The following TSPAN16 variants were observed in gnomAD, a reference collection of about 807,000 sequenced individuals.
TSPAN16 encodes tetraspanin 16.
TSPAN16 carries 23 observed loss-of-function variants against 25.2 expected under a neutral mutation model. The observed-to-expected ratio is 0.91, with a 90% CI of 0.66 to 1.29. The LOEUF is 1.29. Ranked by LOEUF, TSPAN16 falls within the 50% of genes most tolerant of loss-of-function variation. The pLI, the probability that TSPAN16 is intolerant of heterozygous loss-of-function variation, is 0.00. For synonymous variants in TSPAN16, 123 were observed against 124.4 expected (o/e 0.99, Z 0.08); for missense variants, 272 against 299.9 (o/e 0.91, Z 0.69).
chr19:11,321,085 C>A (rs1011240022), intron 6 of TSPAN16, among the ~76,000 whole-genome samples: 4 of 151,402 alleles, frequency 2.6e-5, no homozygotes, highest in African/African-American at 9.7e-5. Context: ...AGGAGAATTG[C>A]TTGAACCTGG....
intron 4 of TSPAN16, among the ~76,000 whole-genome samples, chr19:11,303,575 AT>A (rs150599648): frequency 0.019 from 2,321 of 119,568 alleles, 41 homozygotes; most frequent in Non-Finnish European, 0.025. Context: ...AAATAAATAA[AT>A]TAAAAAAAAA....
At chr19:11,299,869 C>G (rs1464273554) in intron 3 of TSPAN16, among the ~76,000 whole-genome samples, 1 of 151,456 alleles carries the variant, frequency 6.6e-6, no homozygotes, top group Non-Finnish European at 1.5e-5. Context: ...CCCAGCTATT[C>G]AGGAGGCTGA....
intron 4 of TSPAN16, among the ~76,000 whole-genome samples, chr19:11,303,577 T>TAAAAAAAAAAAAAAAAAAAAAAAAAAA (rs1322861353): frequency 1.3e-5 from 1 of 78,306 alleles, no homozygotes; most frequent in Non-Finnish European, 2.7e-5. Context: ...ATAAATAAAT[T>TAAAAAAAAAAAAAAAAAAAAAAAAAAA]AAAAAAAAAA....
chr19:11,302,684 C>CACATACATATATATAT (rs2080575154), intron 4 of TSPAN16, among the ~76,000 whole-genome samples: 4 of 121,346 alleles, frequency 3.3e-5, no homozygotes, highest in African/African-American at 1.6e-4. Context: ...TATATACACA[C>CACATACATATATATAT]ACACACACAC....
intron 4 of TSPAN16, among the ~76,000 whole-genome samples, chr19:11,303,594 A>C (rs890002181): frequency 1.2e-4 from 18 of 148,866 alleles, no homozygotes; most frequent in African/African-American, 4.2e-4. Context: ...AAAAAAAAAA[A>C]AAACTCCTGG....
chr19:11,313,540 A>T (rs909488360), intron 6 of TSPAN16, among the ~76,000 whole-genome samples: 22 of 150,662 alleles, frequency 1.5e-4, no homozygotes, highest in African/African-American at 4.1e-4. Flanking sequence ...AAAAAAAAAA[A>T]AATTATATCT....
downstream of TSPAN16, among the ~76,000 whole-genome samples, chr19:11,319,731 A>AG (rs1438506478): frequency 6.6e-6 from 1 of 152,116 alleles, no homozygotes; most frequent in Non-Finnish European, 1.5e-5. Flanking sequence ...TTTCTTGGGG[A>AG]GGGGGGCACC....
At chr19:11,323,816 A>T (rs907283168) in intron 6 of TSPAN16, 6 of 152,208 alleles carry the variant, frequency 3.9e-5, no homozygotes, top group African/African-American at 1.4e-4. Context: ...GGACGTGGGA[A>T]CATAAAACAT....
chr19:11,315,128 C>T (rs566708792), intron 6 of TSPAN16, among the ~76,000 whole-genome samples: 2 of 151,258 alleles, frequency 1.3e-5, no homozygotes, highest in Non-Finnish European at 2.9e-5. Context: ...TCCAGCTCCT[C>T]GGGAGGCTGA....
chr19:11,305,944 T>A (rs983911373), intron 4 of TSPAN16, among the ~76,000 whole-genome samples: 2 of 151,834 alleles, frequency 1.3e-5, no homozygotes, highest in Non-Finnish European at 2.9e-5. Flanking sequence ...TAACTAAACA[T>A]TGGTATCAGG....
chr19:11,302,660 C>CATAT (rs772111584), intron 4 of TSPAN16, among the ~76,000 whole-genome samples: 96 of 97,820 alleles, frequency 9.8e-4, no homozygotes, highest in East Asian at 4.9e-3. Context: ...TATACACATA[C>CATAT]ATATATATAT....
intron 4 of TSPAN16, 57 bp downstream of exon 4, chr19:11,301,365 C>A: frequency 1.5e-6 from 2 of 1,356,758 alleles, no homozygotes; most frequent in Non-Finnish European, 2.1e-6. Context: ...CATGGGCGGG[C>A]GAAGTGGCTC....
intron 4 of TSPAN16, among the ~76,000 whole-genome samples, chr19:11,302,663 A>ATG (rs2080570952): frequency 3.8e-5 from 4 of 105,818 alleles, no homozygotes; most frequent in African/African-American, 2.0e-4. Context: ...ACACATACAT[A>ATG]TATATATATA....
chr19:11,310,959 C>T (rs899728465), intron 5 of TSPAN16, among the ~76,000 whole-genome samples: 1 of 152,146 alleles, frequency 6.6e-6, no homozygotes, highest in Non-Finnish European at 1.5e-5. Context: ...CGTCTCAGCC[C>T]CCCAAGTATC....
chr19:11,303,156 T>C (rs56911953), intron 4 of TSPAN16, among the ~76,000 whole-genome samples: 6,304 of 147,244 alleles, frequency 0.043, 515 homozygotes, highest in African/African-American at 0.15. Flanking sequence ...CGGATGGTTG[T>C]CGTGTCTGTG....
At chr19:11,303,087 TGACAATC>T in intron 4 of TSPAN16, among the ~76,000 whole-genome samples, 1 of 149,852 alleles carries the variant, frequency 6.7e-6, no homozygotes, top group East Asian at 1.9e-4. Flanking sequence ...CGGGCCAGGA[TGACAATC>T]GCGGCTTTGT....
exon 7 of TSPAN16, chr19:11,326,864 C>G: frequency 1.6e-6 from 1 of 628,108 alleles, no homozygotes; most frequent in South Asian, 1.8e-5. Context: ...CCCGCCTAGG[C>G]CTCCCAAAGT....
chr19:11,320,550 G>C (rs189552374), downstream of TSPAN16, among the ~76,000 whole-genome samples: 1 of 152,130 alleles, frequency 6.6e-6, no homozygotes, highest in Non-Finnish European at 1.5e-5. Context: ...GTGCTTGCTT[G>C]TAGTTCCAGA....
intron 3 of TSPAN16, among the ~76,000 whole-genome samples, chr19:11,299,246 C>G (rs998447223): frequency 6.6e-6 from 1 of 151,558 alleles, no homozygotes; most frequent in East Asian, 1.9e-4. Context: ...CACCACTGCA[C>G]TCCAGCCTGG....
Sources: gnomAD v4.1 joint callset for allele counts (sites outside exome capture counted in the v4.1 genomes callset) on GRCh38, gnomAD v4.1.1 for gene constraint, MANE v1.5 for transcripts, NCBI Gene and HGNC (gene_info 2026-07-23, HGNC 2026-07-21) for gene names.